Variants in BICD2 observed in about 807,000 individuals in gnomAD.
BICD2 encodes the protein BICD cargo adaptor 2.
In BICD2, 25 loss-of-function variants were observed where a neutral mutation model predicts 72.9. The observed-to-expected ratio is 0.34, with a 90% CI of 0.25 to 0.48. The LOEUF is 0.48. BICD2 is among the 20% of genes least tolerant of loss of function. The pLI is 0.99. For missense variants in BICD2, 894 were observed against 1,175.2 expected (o/e 0.76, Z 3.50); for synonymous variants, 501 against 516.1 (o/e 0.97, Z 0.40).
intron 1 of BICD2, among the ~76,000 whole-genome samples, chr9:92,731,478 A>G (rs1853677821): frequency 6.6e-6 from 1 of 151,644 alleles, no homozygotes; most frequent in Admixed American, 6.6e-5. Flanking sequence ...GAAAACTTAA[A>G]AAAAAAAAAG....
chr9:92,754,995 GTGAGCCGGGCAGAACAGAGCCATAT>G (rs1249690086), intron 1 of BICD2, among the ~76,000 whole-genome samples: 1 of 152,192 alleles, frequency 6.6e-6, no homozygotes, highest in Non-Finnish European at 1.5e-5. Flanking sequence ...CTGACCACTG[GTGAGCCGGGCAGAACAGAGCCATAT>G]TTCTCTTCTT....
chr9:92,726,550 A>G (rs888607581), intron 2 of BICD2, among the ~76,000 whole-genome samples: 3 of 152,134 alleles, frequency 2.0e-5, no homozygotes, highest in African/African-American at 7.2e-5. Flanking sequence ...GCAGAAGACA[A>G]GAGCTATGCA....
intron 2 of BICD2, among the ~76,000 whole-genome samples, chr9:92,725,374 G>A (rs116860368): frequency 6.6e-6 from 1 of 152,220 alleles, no homozygotes; most frequent in Non-Finnish European, 1.5e-5. Context: ...GTAGTAGGAC[G>A]CAAACACTGT....
intron 1 of BICD2, among the ~76,000 whole-genome samples, chr9:92,738,138 T>C (rs550520026): frequency 3.9e-5 from 6 of 152,338 alleles, no homozygotes; most frequent in Non-Finnish European, 8.8e-5. Context: ...TGGTCAGCTA[T>C]GACTTGGTGA....
chr9:92,751,348 G>A (rs770894771), intron 1 of BICD2, among the ~76,000 whole-genome samples: 4 of 151,898 alleles, frequency 2.6e-5, no homozygotes, highest in South Asian at 2.1e-4. Flanking sequence ...ACGGGTTTTC[G>A]TCATGTTGGC....
intron 1 of BICD2, among the ~76,000 whole-genome samples, chr9:92,731,040 G>A (rs951119701): frequency 3.3e-5 from 5 of 152,222 alleles, no homozygotes; most frequent in Admixed American, 1.3e-4. Context: ...AAGGGAAACC[G>A]GACATGGAAT....
intron 1 of BICD2, among the ~76,000 whole-genome samples, chr9:92,760,009 G>T (rs1854337843): frequency 6.6e-6 from 1 of 152,148 alleles, no homozygotes; most frequent in Admixed American, 6.5e-5. Flanking sequence ...TGACCTTGGG[G>T]GCTCACAGAG....
At chr9:92,757,540 T>C (rs1328860134) in intron 1 of BICD2, among the ~76,000 whole-genome samples, 1 of 145,786 alleles carries the variant, frequency 6.9e-6, no homozygotes, top group Admixed American at 7.0e-5. Flanking sequence ...AAGATTCTAT[T>C]TTCTATTAGC....
rs1853256904 is a variant in BICD2, at chr9:92,714,317, G to C, written c.*837C>G. 1.0e-6 allele frequency: 1 copy of C among 985,354 alleles called. No homozygotes were observed. Among genetic ancestry groups the C allele is most frequent in the Non-Finnish European group, 1.2e-6 (1 of 829,958 alleles). 61.0% of individuals were successfully genotyped at this position (985,354 alleles called of 1,614,324 possible). A position where few individuals can be genotyped will look rare whatever the true frequency, so the allele number is the denominator to read the frequency against. On this transcript the variant is annotated 3_prime_UTR_variant, in exon 7 of 7. Transcript: ENST00000356884. ...TGGAAGGCCGGATAATTGGCTGCTG[G>C]GGTCACCCCAAGTACAAAAGGACGG...
intron 1 of BICD2, among the ~76,000 whole-genome samples, chr9:92,736,932 G>C (rs1479177813): frequency 1.3e-5 from 2 of 152,156 alleles, no homozygotes; most frequent in Non-Finnish European, 2.9e-5. Flanking sequence ...GGCAGAATAG[G>C]CCTCAGGATG....
In BICD2 at chr9:92,714,421, C is replaced by T; in HGVS notation, c.*733G>A. 1 of 985,470 alleles carries T rather than the reference C, an allele frequency of 1.0e-6. No individual in the cohort carries two copies. Among genetic ancestry groups the T allele is most frequent in the Non-Finnish European group, 1.2e-6 (1 of 829,962 alleles). The allele number at this position is 985,470 out of a possible 1,614,324, so 61.0% of individuals were successfully genotyped here. A position where few individuals can be genotyped will look rare whatever the true frequency, so the allele number is the denominator to read the frequency against. On this transcript the variant is annotated 3_prime_UTR_variant, in exon 7 of 7. Coordinates refer to ENST00000356884, the MANE Select transcript of BICD2 (RefSeq NM_001003800.2). ...AAAAATGAAAACCTGGGGCCTTGGG[C>T]CCTGCCAATCTGTCACCTCACAGGC...
rs368224193 is a variant in BICD2, at chr9:92,733,832, C to T, written c.241-4596G>A. The stretch of plus-strand genomic sequence containing the variant: ...AATACAAAAAATTAGCCAGGCGTGG[C>T]GGCGGGCGCCCGTAGTCCCAGCTAC... On this transcript the variant is annotated intron_variant, in intron 1 of 6. Transcript: ENST00000356884. Among the ~76,000 whole-genome samples the T allele has an allele frequency of 9.3e-5, 14 of 151,046 alleles. No individual in the cohort carries two copies. In the South Asian group the frequency reaches 1.3e-3, roughly 14 times the overall value.
chr9:92,757,453 G>A (rs1854283975), intron 1 of BICD2, among the ~76,000 whole-genome samples: 1 of 151,976 alleles, frequency 6.6e-6, no homozygotes, highest in Admixed American at 6.6e-5. Flanking sequence ...AACACTGACT[G>A]GACAACAGAT....
intron 1 of BICD2, among the ~76,000 whole-genome samples, chr9:92,747,981 A>G (rs1854050628): frequency 6.6e-6 from 1 of 152,216 alleles, no homozygotes; most frequent in African/African-American, 2.4e-5. Context: ...CTGAGAGTGC[A>G]GAATATGAAT....
In BICD2 at chr9:92,715,178, C is replaced by T. The variant is rs533026038; in HGVS notation, c.2544G>A (p.Glu848=). ...TGLANQVFCS[E]KHSIYCD ...CCTAATCACAGTAAATGCTGTGCTT[C>T]TCGCTGCAGAACACCTGGTTGGCCA... Residue 848 remains glutamate, a synonymous_variant, in exon 7 of 7, where the codon GAG becomes GAA. Coordinates refer to ENST00000356884, the MANE Select transcript of BICD2 (RefSeq NM_001003800.2). 8.5e-5 allele frequency: 136 copies of T among 1,601,740 alleles called. 1 individual carries two copies. The East Asian group carries it at 2.9e-3, about 34-fold the overall frequency.
Position 92,764,763 on chromosome 9 carries a change from C to G in BICD2, c.-19G>C, listed in dbSNP as rs766484268. Reference sequence around the variant, plus strand: ...CCGACATGGTGGCCGAGGGCTGAGCCGGCTCCCACTGAGGCTCTCGCAGGC... The same window carrying G: ...CCGACATGGTGGCCGAGGGCTGAGCGGGCTCCCACTGAGGCTCTCGCAGGC... On this transcript the variant is annotated 5_prime_UTR_variant, in exon 1 of 7. Coordinates refer to ENST00000356884, the MANE Select transcript of BICD2 (RefSeq NM_001003800.2). The surrounding 1 kb of genome is among the most constrained non-coding windows in gnomAD (Gnocchi z 5.5). 1 of 1,522,124 alleles carries G rather than the reference C, an allele frequency of 6.6e-7. No individual in the cohort carries two copies. The highest frequency in any genetic ancestry group is 8.7e-7 in the Non-Finnish European group (1 of 1,142,930). The allele number at this position is 1,522,124 out of a possible 1,614,324, so 94.3% of individuals were successfully genotyped here.
intron 2 of BICD2, among the ~76,000 whole-genome samples, chr9:92,726,443 T>C (rs1853569328): frequency 6.6e-6 from 1 of 152,086 alleles, no homozygotes; most frequent in Admixed American, 6.5e-5. Flanking sequence ...TTCTGACCCA[T>C]GGGGTGTGAG....
At chr9:92,743,355 C>CTT (rs34165468) in intron 1 of BICD2, among the ~76,000 whole-genome samples, 7,317 of 112,048 alleles carry the variant, frequency 0.065, 448 homozygotes, top group South Asian at 0.13. Context: ...ACCATGCCAG[C>CTT]TTTTTTTTTT....
intron 1 of BICD2, among the ~76,000 whole-genome samples, chr9:92,756,732 T>A (rs1034933889): frequency 1.3e-5 from 2 of 151,116 alleles, no homozygotes; most frequent in African/African-American, 4.9e-5. Flanking sequence ...CCAGACGTGG[T>A]GGTGCACGCC....
Sources: allele counts gnomAD v4.1 joint callset (sites outside exome capture counted in the v4.1 genomes callset), GRCh38; gene constraint gnomAD v4.1.1; non-coding constraint Gnocchi (gnomAD v3.1); transcripts MANE v1.5; gene names NCBI Gene and HGNC (gene_info 2026-07-23, HGNC 2026-07-21).